The following GLIS3 variants were observed in gnomAD, a reference collection of about 807,000 sequenced individuals.
GLIS3 encodes zinc finger protein GLIS3.
In GLIS3, 53 loss-of-function variants were observed where a neutral mutation model predicts 78.6. That is an observed-to-expected ratio of 0.67 (90% CI 0.54 to 0.85). The LOEUF is 0.85. Ranked by LOEUF, GLIS3 falls within the 40% of genes least tolerant of loss-of-function variation. The pLI, the probability that GLIS3 is intolerant of heterozygous loss-of-function variation, is 0.00. For synonymous variants in GLIS3, 684 were observed against 509.9 expected (o/e 1.34, Z -4.60); for missense variants, 1,703 against 1,231.1 (o/e 1.38, Z -5.74).
At chr9:4,444,995 G>A in the GLIS3 span, among the ~76,000 whole-genome samples, 1 of 152,092 alleles carries the variant, frequency 6.6e-6, no homozygotes, top group Admixed American at 6.5e-5. Context: ...GTTGCCCTTG[G>A]AGTTACATCT....
At chr9:4,196,021 T>A (rs1214147132) in intron 2 of GLIS3, among the ~76,000 whole-genome samples, 1 of 152,112 alleles carries the variant, frequency 6.6e-6, no homozygotes, top group Non-Finnish European at 1.5e-5. Flanking sequence ...CTAGCTAATC[T>A]AGTGGGGACT....
chr9:4,187,155 C>A (rs1182878462), intron 2 of GLIS3, among the ~76,000 whole-genome samples: 1 of 152,168 alleles, frequency 6.6e-6, no homozygotes, highest in Non-Finnish European at 1.5e-5. Context: ...TTTAATCCAT[C>A]TTGAATTAAT....
chr9:4,378,868 C>T, the GLIS3 span, among the ~76,000 whole-genome samples: 2 of 152,138 alleles, frequency 1.3e-5, no homozygotes, highest in Non-Finnish European at 2.9e-5. Flanking sequence ...GCATGGCCGA[C>T]CTGGAGACTG....
chr9:4,156,529 C>T (rs753225577), intron 2 of GLIS3, among the ~76,000 whole-genome samples: 1 of 152,286 alleles, frequency 6.6e-6, no homozygotes, highest in East Asian at 1.9e-4. Flanking sequence ...AAGTAGGGCA[C>T]AGAGATGCTT....
rs751070441 is a variant in GLIS3 at position 4,118,471 on chromosome 9, G to A, written c.1007C>T (p.Ala336Val). ...SLVAYINGSR[A>V]SPANLSPQPE... The stretch of plus-strand genomic sequence containing the variant: ...CTGCGGGGACAGGTTGGCCGGCGAA[G>A]CCCTCGACCCGTTGATGTAGGCCAC... The change falls in exon 4 of 11, where the codon GCT becomes GTT. Residue 336 changes from alanine to valine, a missense_variant. Transcript: ENST00000381971. The surrounding 1 kb of genome is among the most constrained non-coding windows in gnomAD (Gnocchi z 4.7). 8.7e-6 allele frequency: 14 copies of A among 1,613,952 alleles called. No homozygotes were observed. Among genetic ancestry groups the A allele is most frequent in the Non-Finnish European group, 1.2e-5 (14 of 1,180,026 alleles).
chr9:4,395,535 G>A, the GLIS3 span, among the ~76,000 whole-genome samples: 1 of 152,058 alleles, frequency 6.6e-6, no homozygotes, highest in Admixed American at 6.6e-5. Flanking sequence ...CAACTCCTGA[G>A]TCATTTTGGT....
At chr9:3,911,424 C>G (rs77511324) in intron 6 of GLIS3, among the ~76,000 whole-genome samples, 1 of 152,338 alleles carries the variant, frequency 6.6e-6, no homozygotes, top group East Asian at 1.9e-4. Flanking sequence ...AAGCACTCGG[C>G]TGGCTACCAT....
At chr9:4,141,434 G>C (rs1833805744) in intron 2 of GLIS3, among the ~76,000 whole-genome samples, 1 of 152,166 alleles carries the variant, frequency 6.6e-6, no homozygotes, top group Non-Finnish European at 1.5e-5. Flanking sequence ...AGGCTATGTG[G>C]GGCTTGGTCA....
chr9:3,965,940 C>T (rs1817905909), intron 4 of GLIS3, among the ~76,000 whole-genome samples: 2 of 152,356 alleles, frequency 1.3e-5, no homozygotes, highest in South Asian at 4.1e-4. Context: ...TCGTTCTTCA[C>T]TGTGTGGTCT....
intron 2 of GLIS3, among the ~76,000 whole-genome samples, chr9:4,216,905 A>T (rs1262348273): frequency 6.6e-6 from 1 of 152,206 alleles, no homozygotes; most frequent in Non-Finnish European, 1.5e-5. Context: ...TAGCAAATTG[A>T]AATTGATCTG....
intron 2 of GLIS3, among the ~76,000 whole-genome samples, chr9:4,340,729 C>T (rs911529419): frequency 3.9e-5 from 6 of 152,124 alleles, no homozygotes; most frequent in African/African-American, 1.4e-4. Flanking sequence ...CGCTCTGTCA[C>T]CCATCACCCA....
intron 6 of GLIS3, among the ~76,000 whole-genome samples, chr9:3,905,417 C>A (rs1823630273): frequency 6.6e-6 from 1 of 152,096 alleles, no homozygotes; most frequent in South Asian, 2.1e-4. Context: ...TATTCTGACA[C>A]CATGCCCTTT....
chr9:4,320,594 T>C (rs574132347), intron 2 of GLIS3, among the ~76,000 whole-genome samples: 4 of 151,770 alleles, frequency 2.6e-5, no homozygotes, highest in Non-Finnish European at 4.4e-5. Flanking sequence ...CCCATCATCA[T>C]CACCAGCACT....
intron 2 of GLIS3, among the ~76,000 whole-genome samples, chr9:4,132,821 G>A (rs1371684012): frequency 6.6e-6 from 1 of 152,166 alleles, no homozygotes; most frequent in African/African-American, 2.4e-5. Context: ...AGGTGTTACA[G>A]AAACAGAAAT....
chr9:4,487,152 A>C, the GLIS3 span, among the ~76,000 whole-genome samples: 2 of 152,108 alleles, frequency 1.3e-5, no homozygotes, highest in Admixed American at 6.6e-5. Context: ...GGCACCCGCC[A>C]CCACGCCTGG....
chr9:4,422,272 G>C, the GLIS3 span, among the ~76,000 whole-genome samples: 1 of 152,196 alleles, frequency 6.6e-6, no homozygotes, highest in Admixed American at 6.5e-5. Context: ...TTCTGAGAAA[G>C]AGTCCATAGG....
rs1365867139 is a variant in GLIS3 at position 4,187,578 on chromosome 9, A to T, written c.389-61637T>A. On this transcript the variant is annotated intron_variant, in intron 2 of 10. Transcript: ENST00000381971. ...GGGGATGGCATTGAATCTATAAATG[A>T]CCTTGGACTGTATGGCCATTTTCCC... 2.6e-5 allele frequency among the ~76,000 whole-genome samples: 4 copies of T among 152,222 alleles called. No individual in the cohort carries two copies. The East Asian group carries it at 7.7e-4, about 29-fold the overall frequency.
intron 2 of GLIS3, among the ~76,000 whole-genome samples, chr9:4,150,608 G>T (rs1387624209): frequency 6.6e-6 from 1 of 152,162 alleles, no homozygotes; most frequent in Non-Finnish European, 1.5e-5. Flanking sequence ...TATCTTAAAA[G>T]ACTATCTTTA....
At chr9:4,035,212 C>T (rs1362552385) in intron 4 of GLIS3, among the ~76,000 whole-genome samples, 1 of 152,098 alleles carries the variant, frequency 6.6e-6, no homozygotes, top group Admixed American at 6.6e-5. Flanking sequence ...CCTTTTATGG[C>T]AAATGTTATC....
Sources: gnomAD v4.1 joint callset for allele counts (sites outside exome capture counted in the v4.1 genomes callset) on GRCh38, gnomAD v4.1.1 for gene constraint, Gnocchi (gnomAD v3.1) non-coding constraint, MANE v1.5 for transcripts, NCBI Gene and HGNC (gene_info 2026-07-23, HGNC 2026-07-21) for gene names.